PAFAH1B2: variants seen among roughly 807,000 people sequenced by gnomAD.
PAFAH1B2 encodes the protein platelet-activating factor acetylhydrolase IB subunit alpha2.
PAFAH1B2 carries 8 observed loss-of-function variants against 28.0 expected under a neutral mutation model. That is an observed-to-expected ratio of 0.29 (90% CI 0.17 to 0.52). The LOEUF (loss-of-function observed/expected upper bound fraction) is 0.52. Ranked by LOEUF, PAFAH1B2 falls within the 20% of genes least tolerant of loss-of-function variation. The pLI is 0.97. For synonymous variants in PAFAH1B2, 104 were observed against 103.2 expected (o/e 1.01, Z -0.05); for missense variants, 190 against 282.6 (o/e 0.67, Z 2.35).
At chr11:117,145,448 G>GA (rs1955980023) in intron 1 of PAFAH1B2, among the ~76,000 whole-genome samples, 1 of 4,306 alleles carries the variant, frequency 2.3e-4, no homozygotes. Context: ...GGGTTGGGCC[G>GA]GGGGTAAAGG....
At chr11:117,145,177 G>C (rs1459006652) in intron 1 of PAFAH1B2, among the ~76,000 whole-genome samples, 1 of 152,078 alleles carries the variant, frequency 6.6e-6, no homozygotes, top group Non-Finnish European at 1.5e-5. Context: ...GAGAGGTTTG[G>C]GGGGATGTTT....
At chr11:117,146,693 TA>T in intron 1 of PAFAH1B2, among the ~76,000 whole-genome samples, 1 of 151,122 alleles carries the variant, frequency 6.6e-6, no homozygotes, top group East Asian at 2.0e-4. Context: ...CCTGTCGGGG[TA>T]AAAAACAAAA....
intron 2 of PAFAH1B2, 78 bp downstream of exon 2, chr11:117,152,606 C>CCTTGTCTCAAA: frequency 5.9e-6 from 6 of 1,014,766 alleles, no homozygotes; most frequent in East Asian, 2.4e-5. Flanking sequence ...GTTTTTGAGA[C>CCTTGTCTCAAA]AAGGTCTCAC....
chr11:117,152,234 G>A (rs1456074334), intron 1 of PAFAH1B2, among the ~76,000 whole-genome samples: 2 of 152,052 alleles, frequency 1.3e-5, no homozygotes, highest in Admixed American at 6.6e-5. Flanking sequence ...GCTATCTGGC[G>A]GTTTAGTGGT....
chr11:117,168,464 T>TTTTTGTTTTTTTG lies in PAFAH1B2; in HGVS notation c.*769_*770insGTTTTTTTGTTTT, dbSNP rs1956570452. The TTTTTGTTTTTTTG allele has an allele frequency of 1.0e-6, 1 of 981,218 alleles. No individual in the cohort carries two copies. Among genetic ancestry groups the TTTTTGTTTTTTTG allele is most frequent in the African/African-American group, 1.9e-5 (1 of 52,860 alleles). The allele number at this position is 981,218 out of a possible 1,614,324, so 60.8% of individuals were successfully genotyped here. A position where few individuals can be genotyped will look rare whatever the true frequency, so the allele number is the denominator to read the frequency against. On this transcript the variant is annotated 3_prime_UTR_variant, in exon 6 of 6. Transcript: ENST00000527958. Reference sequence around the variant, plus strand: ...CCACCCCGTTTTTTTTTTTTTTTTTTTTTTTTTGGTTCTTGTTGACATTAC... The same window carrying TTTTTGTTTTTTTG: ...CCACCCCGTTTTTTTTTTTTTTTTTTTTTTGTTTTTTTGTTTTTTTGGTTCTTGTTGACATTAC...
chr11:117,152,540 T>G lies in PAFAH1B2; in HGVS notation c.81+12T>G, dbSNP rs1956175364. The G allele has an allele frequency of 6.4e-7, 1 of 1,566,448 alleles. No homozygotes were observed. Among genetic ancestry groups the G allele is most frequent in the South Asian group, 1.1e-5 (1 of 90,114 alleles). On this transcript the variant is annotated intron_variant, in intron 2 of 5. Coordinates refer to ENST00000527958, the MANE Select transcript of PAFAH1B2 (RefSeq NM_002572.4). ...GATGGATGTCTCAGGTAAAAGGAAGTGCATGTGTATCATTCACATGAGTTG... is the reference window on the plus strand; with the variant it reads ...GATGGATGTCTCAGGTAAAAGGAAGGGCATGTGTATCATTCACATGAGTTG...
At chr11:117,151,282 T>G (rs1171531478) in intron 1 of PAFAH1B2, among the ~76,000 whole-genome samples, 2 of 147,320 alleles carry the variant, frequency 1.4e-5, no homozygotes, top group Non-Finnish European at 3.0e-5. Flanking sequence ...CAGGCTGGAG[T>G]GCAGTGGTGT....
chr11:117,164,541 T>C (rs966222881), intron 5 of PAFAH1B2, among the ~76,000 whole-genome samples: 6 of 152,246 alleles, frequency 3.9e-5, no homozygotes, highest in African/African-American at 1.4e-4. Flanking sequence ...GATTACTTTG[T>C]AAGTGTCCTG....
intron 1 of PAFAH1B2, among the ~76,000 whole-genome samples, chr11:117,147,954 T>G (rs1478152761): frequency 2.0e-5 from 3 of 152,194 alleles, no homozygotes; most frequent in Non-Finnish European, 4.4e-5. Flanking sequence ...TGGAAGTGTT[T>G]TGCTCAGGGT....
Position 117,170,810 on chromosome 11 carries a change from G to T in PAFAH1B2, c.*3111G>T. The T allele has an allele frequency of 9.4e-7, 1 of 1,060,262 alleles. No homozygotes were observed. Among genetic ancestry groups the T allele is most frequent in the East Asian group, 5.1e-5 (1 of 19,498 alleles). 65.7% of individuals were successfully genotyped at this position (1,060,262 alleles called of 1,614,324 possible). A position where few individuals can be genotyped will look rare whatever the true frequency, so the allele number is the denominator to read the frequency against. ...ATATGGAAATGAGGAGCATGTCCAA[G>T]CTCCTAAATCCGTGTGGGTGCATGT... On this transcript the variant is annotated 3_prime_UTR_variant, in exon 6 of 6. Transcript: ENST00000527958.
At chr11:117,176,351 G>T (rs1008490816) in exon 6 of PAFAH1B2, 2 of 261,588 alleles carry the variant, frequency 7.6e-6, no homozygotes, top group East Asian at 1.2e-4. Context: ...ACAGTACCTG[G>T]CACATCGTGG....
At chr11:117,177,210 A>AC (rs1254684963), downstream of PAFAH1B2, among the ~76,000 whole-genome samples, 1 of 152,074 alleles carries the variant, frequency 6.6e-6, no homozygotes, top group Non-Finnish European at 1.5e-5. Flanking sequence ...CCCTGTCTCC[A>AC]CCCCCCGGCA....
downstream of PAFAH1B2, chr11:117,175,290 A>C: frequency 9.3e-7 from 1 of 1,073,980 alleles, no homozygotes; most frequent in Non-Finnish European, 1.1e-6. Flanking sequence ...GCTTTGAGAC[A>C]CACCACTGCC....
chr11:117,171,092 G>GA, downstream of PAFAH1B2: 5 of 1,015,240 alleles, frequency 4.9e-6, no homozygotes, highest in East Asian at 6.6e-5. Flanking sequence ...GGATTCTAAT[G>GA]AAAAAAAGGG....
chr11:117,149,412 A>T (rs1461654070), intron 1 of PAFAH1B2, among the ~76,000 whole-genome samples: 1 of 142,384 alleles, frequency 7.0e-6, no homozygotes, highest in Non-Finnish European at 1.5e-5. Context: ...AATTTAATTT[A>T]AAAAAAGTTT....
intron 5 of PAFAH1B2, among the ~76,000 whole-genome samples, chr11:117,166,806 A>T (rs146746738): frequency 2.2e-4 from 34 of 152,318 alleles, no homozygotes; most frequent in African/African-American, 7.9e-4. Flanking sequence ...TTATTCTGAC[A>T]GCCAAATGGA....
chr11:117,163,538 C>T (rs1268523310), intron 4 of PAFAH1B2, among the ~76,000 whole-genome samples: 1 of 151,846 alleles, frequency 6.6e-6, no homozygotes, highest in African/African-American at 2.4e-5. Context: ...CTGGGCGTGG[C>T]GGCACATGCC....
Position 117,170,659 on chromosome 11 carries a change from T to A in PAFAH1B2, c.*2960T>A. ...AAAAAAAAAAAAAAGTCCAACTTAC[T>A]TTATTTTATTTTTTTAACCTAGTCA... On this transcript the variant is annotated 3_prime_UTR_variant, in exon 6 of 6. Transcript: ENST00000527958. 1 of 1,058,280 alleles carries A rather than the reference T, an allele frequency of 9.4e-7. No homozygotes were observed. Among genetic ancestry groups the A allele is most frequent in the Non-Finnish European group, 1.1e-6 (1 of 874,398 alleles). The allele number at this position is 1,058,280 out of a possible 1,614,324, so 65.6% of individuals were successfully genotyped here.
chr11:117,160,891 C>T (rs1230608446), intron 3 of PAFAH1B2, among the ~76,000 whole-genome samples: 1 of 151,658 alleles, frequency 6.6e-6, no homozygotes, highest in Non-Finnish European at 1.5e-5. Context: ...GAGTTGACAG[C>T]TTAATTATTA....
Sources: allele counts gnomAD v4.1 joint callset (sites outside exome capture counted in the v4.1 genomes callset), GRCh38; gene constraint gnomAD v4.1.1; transcripts MANE v1.5; gene names NCBI Gene and HGNC (gene_info 2026-07-23, HGNC 2026-07-21).